Variants in KCNQ1OT1 observed in about 807,000 individuals in gnomAD.
KCNQ1OT1 encodes KCNQ1 opposite strand/antisense transcript 1.
chr11:2,691,314 C>T lies in KCNQ1OT1; in HGVS notation n.8681G>A, dbSNP rs1318593416. 3 of 398,502 alleles carry T rather than the reference C, an allele frequency of 7.5e-6. No homozygotes were observed. Among genetic ancestry groups the T allele is most frequent in the African/African-American group, 6.2e-5 (3 of 48,620 alleles). 24.7% of individuals were successfully genotyped at this position (398,502 alleles called of 1,614,324 possible). ...GACAAGAAAAAGGCGATGTCTCACC[C>T]CTGAGCTACAATCCACTGCACTTAC... is the stretch of plus-strand genomic sequence containing the variant. On this transcript the variant is annotated non_coding_transcript_exon_variant, in exon 1 of 1. Transcript: ENST00000597346. The surrounding 1 kb of genome is among the most constrained non-coding windows in gnomAD (Gnocchi z 6.4).
exon 1 of KCNQ1OT1, chr11:2,692,378 C>A: frequency 2.5e-6 from 1 of 398,870 alleles, no homozygotes; most frequent in Non-Finnish European, 4.4e-6. Flanking sequence ...ATTCTCACAT[C>A]CCCTGCCCCA....
Position 2,663,792 on chromosome 11 carries a change from A to G in KCNQ1OT1, n.36203T>C. On this transcript the variant is annotated non_coding_transcript_exon_variant, in exon 1 of 1. Coordinates refer to ENST00000597346, the Ensembl canonical transcript of KCNQ1OT1. This position sits in a 1 kb window ranked among gnomAD's most constrained non-coding sequence, Gnocchi z 5.2. ...AGCCAAACTTGCAGCTGCCCAGTAA[A>G]TCACCACTATGGGGGTGAGGGCTGC... The G allele has an allele frequency of 2.5e-6, 1 of 398,692 alleles. No homozygotes were observed. The highest frequency in any genetic ancestry group is 4.4e-6 in the Non-Finnish European group (1 of 226,128). The allele number at this position is 398,692 out of a possible 1,614,324, so 24.7% of individuals were successfully genotyped here.
In KCNQ1OT1 at chr11:2,669,094, C is replaced by G; in HGVS notation, n.30901G>C. The G allele has an allele frequency of 2.5e-6, 1 of 398,726 alleles. No individual in the cohort carries two copies. Among genetic ancestry groups the G allele is most frequent in the Non-Finnish European group, 4.4e-6 (1 of 226,120 alleles). 24.7% of individuals were successfully genotyped at this position (398,726 alleles called of 1,614,324 possible). A position where few individuals can be genotyped will look rare whatever the true frequency, so the allele number is the denominator to read the frequency against. On this transcript the variant is annotated non_coding_transcript_exon_variant, in exon 1 of 1. Coordinates refer to ENST00000597346, the Ensembl canonical transcript of KCNQ1OT1. The surrounding 1 kb of genome is among the most constrained non-coding windows in gnomAD (Gnocchi z 5.6). ...CCTGCCGTATCAGTGTCTTTACAAT[C>G]AGCTCACTGGCTACGTGTGGCTCTG... is the stretch of plus-strand genomic sequence containing the variant.
chr11:2,621,570 A>C lies in KCNQ1OT1; in HGVS notation n.78425T>G. 1 of 398,270 alleles carries C rather than the reference A, an allele frequency of 2.5e-6. No individual in the cohort carries two copies. The highest frequency in any genetic ancestry group is 1.3e-4 in the South Asian group (1 of 7,856). The allele number at this position is 398,270 out of a possible 1,614,324, so 24.7% of individuals were successfully genotyped here. A position where few individuals can be genotyped will look rare whatever the true frequency, so the allele number is the denominator to read the frequency against. ...AGTTTACCACTGTGATCTCTTTGCT[A>C]TTGGTCTGTTCAGGCTTTCTATTCC... On this transcript the variant is annotated non_coding_transcript_exon_variant, in exon 1 of 1. Transcript: ENST00000597346. The surrounding 1 kb of genome is among the most constrained non-coding windows in gnomAD (Gnocchi z 5.7).
rs185380746 is a variant in KCNQ1OT1, at chr11:2,660,884, A to G, written n.39111T>C. Reference sequence around the variant, plus strand: ...TAAGAATAAAGATGAATATGGCATCATAGTCTGAATAATTAAGCAGCTTAA... The same window carrying G: ...TAAGAATAAAGATGAATATGGCATCGTAGTCTGAATAATTAAGCAGCTTAA... On this transcript the variant is annotated non_coding_transcript_exon_variant, in exon 1 of 1. Transcript: ENST00000597346. 8 of 398,662 alleles carry G rather than the reference A, an allele frequency of 2.0e-5. No homozygotes were observed. In the South Asian group the frequency reaches 8.9e-4, roughly 44 times the overall value. 24.7% of individuals were successfully genotyped at this position (398,662 alleles called of 1,614,324 possible). A position where few individuals can be genotyped will look rare whatever the true frequency, so the allele number is the denominator to read the frequency against.
exon 1 of KCNQ1OT1, chr11:2,632,981 G>C: frequency 2.5e-6 from 1 of 398,190 alleles, no homozygotes. Flanking sequence ...TAGTTTTTTT[G>C]ACAAAACACC....
exon 1 of KCNQ1OT1, chr11:2,693,272 A>G (rs998102243): frequency 7.5e-6 from 3 of 398,614 alleles, no homozygotes; most frequent in Non-Finnish European, 1.3e-5. Context: ...TTAACAACTC[A>G]GATGCACACC....
chr11:2,680,136 C>T, exon 1 of KCNQ1OT1: 1 of 396,338 alleles, frequency 2.5e-6, no homozygotes, highest in Non-Finnish European at 4.4e-6. Flanking sequence ...AAGTGATCTG[C>T]CCGCCTCAGC....
rs1459167400 is a variant in KCNQ1OT1, at chr11:2,620,628, G to A, written n.79367C>T. 2.5e-6 allele frequency: 1 copy of A among 397,830 alleles called. No homozygotes were observed. The highest frequency in any genetic ancestry group is 4.4e-6 in the Non-Finnish European group (1 of 226,010). The allele number at this position is 397,830 out of a possible 1,614,324, so 24.6% of individuals were successfully genotyped here. ...AAGTGGATTCCATGTCTTTGCTGTT[G>A]TGAATAGTGCTGTGATGAACATACA... On this transcript the variant is annotated non_coding_transcript_exon_variant, in exon 1 of 1. Coordinates refer to ENST00000597346, the Ensembl canonical transcript of KCNQ1OT1. This position sits in a 1 kb window ranked among gnomAD's most constrained non-coding sequence, Gnocchi z 4.5.
Position 2,687,403 on chromosome 11 carries a change from G to C in KCNQ1OT1, n.12592C>G. ...CTGAGCTCTGCTGAAGGATCTGGGA[G>C]GTCAGTAGGCACCTGTGTCCACCCA... On this transcript the variant is annotated non_coding_transcript_exon_variant, in exon 1 of 1. Transcript: ENST00000597346. The surrounding 1 kb of genome is among the most constrained non-coding windows in gnomAD (Gnocchi z 5.0). 2.5e-6 allele frequency: 1 copy of C among 398,674 alleles called. No homozygotes were observed. Among genetic ancestry groups the C allele is most frequent in the East Asian group, 3.6e-5 (1 of 28,074 alleles). 24.7% of individuals were successfully genotyped at this position (398,674 alleles called of 1,614,324 possible).
At chr11:2,681,799 C>T in exon 1 of KCNQ1OT1, 1 of 398,578 alleles carries the variant, frequency 2.5e-6, no homozygotes, top group East Asian at 3.6e-5. Flanking sequence ...GGTACAGTCC[C>T]TGCCTTCTCA....
exon 1 of KCNQ1OT1, chr11:2,697,724 T>TAA: frequency 1.5e-5 from 6 of 398,656 alleles, no homozygotes; most frequent in Middle Eastern, 6.3e-4. Flanking sequence ...CAATCCCACT[T>TAA]GTTTAAGAAT....
exon 1 of KCNQ1OT1, chr11:2,622,555 A>C: frequency 2.5e-6 from 1 of 398,466 alleles, no homozygotes. Context: ...GTACTTACTT[A>C]TAAAAAAGAA....
chr11:2,610,817 A>G, exon 1 of KCNQ1OT1: 1 of 385,412 alleles, frequency 2.6e-6, no homozygotes, highest in Non-Finnish European at 4.5e-6. Context: ...AGTCAGCTCC[A>G]CATTTGTCTC....
At chr11:2,615,951 G>A (rs1004912071) in exon 1 of KCNQ1OT1, 7 of 398,120 alleles carry the variant, frequency 1.8e-5, no homozygotes, top group African/African-American at 1.4e-4. Flanking sequence ...AATTCTTCAA[G>A]TGTTTGGTAT....
chr11:2,668,416 C>T lies in KCNQ1OT1; in HGVS notation n.31579G>A, dbSNP rs941926704. 2 of 398,500 alleles carry T rather than the reference C, an allele frequency of 5.0e-6. No homozygotes were observed. The highest frequency in any genetic ancestry group is 3.6e-5 in the East Asian group (1 of 28,082). The allele number at this position is 398,500 out of a possible 1,614,324, so 24.7% of individuals were successfully genotyped here. ...CAAAGGAGTCATTCCAATTTTCATTCCCACAGGCAGCATTCTGGCTGCTCC... is the reference window on the plus strand; with the variant it reads ...CAAAGGAGTCATTCCAATTTTCATTTCCACAGGCAGCATTCTGGCTGCTCC... On this transcript the variant is annotated non_coding_transcript_exon_variant, in exon 1 of 1. Transcript: ENST00000597346. This position sits in a 1 kb window ranked among gnomAD's most constrained non-coding sequence, Gnocchi z 4.3.
chr11:2,672,550 A>C (rs1850205555), exon 1 of KCNQ1OT1: 1 of 398,506 alleles, frequency 2.5e-6, no homozygotes. Flanking sequence ...TCCACATTGG[A>C]AGGTGGCCTT....
chr11:2,682,548 G>A lies in KCNQ1OT1; in HGVS notation n.17447C>T. On this transcript the variant is annotated non_coding_transcript_exon_variant, in exon 1 of 1. Transcript: ENST00000597346. This position sits in a 1 kb window ranked among gnomAD's most constrained non-coding sequence, Gnocchi z 5.8. ...AAACCAGGTGCTAGGACCCTGGCAG[G>A]GGTTCCATAAGGCTATGCTGGGGTT... 2.5e-6 allele frequency: 1 copy of A among 398,542 alleles called. No homozygotes were observed. The highest frequency in any genetic ancestry group is 4.4e-6 in the Non-Finnish European group (1 of 226,092). 24.7% of individuals were successfully genotyped at this position (398,542 alleles called of 1,614,324 possible).
At chr11:2,672,480 C>T (rs996549397) in exon 1 of KCNQ1OT1, 2 of 398,552 alleles carry the variant, frequency 5.0e-6, no homozygotes, top group African/African-American at 4.1e-5. Flanking sequence ...AAGGTCCCCA[C>T]ATTCCATGGC....
Sources: allele counts gnomAD v4.1 joint callset, GRCh38; gene constraint gnomAD v4.1.1; non-coding constraint Gnocchi (gnomAD v3.1); transcripts MANE v1.5; gene names NCBI Gene and HGNC (gene_info 2026-07-23, HGNC 2026-07-21).